The following ANKRD30B variants were observed in gnomAD, a reference collection of about 807,000 sequenced individuals.
The protein encoded by ANKRD30B is ankyrin repeat domain-containing protein 30B.
In ANKRD30B, 144 loss-of-function variants were observed where a neutral mutation model predicts 202.2. The observed-to-expected ratio is 0.71, with a 90% CI of 0.62 to 0.82. The LOEUF is 0.82. ANKRD30B is among the 40% of genes least tolerant of loss of function. The pLI is 0.00. For synonymous variants in ANKRD30B, 508 were observed against 561.3 expected, an observed-to-expected ratio of 0.91 and a Z score of 1.34; for missense variants, 1,487 against 1,669.1, an observed-to-expected ratio of 0.89 and a Z score of 1.90.
intron 7 of ANKRD30B, 136 bp downstream of exon 7, chr18:14,764,226 T>C: frequency 1.1e-6 from 1 of 873,720 alleles, no homozygotes; most frequent in South Asian, 2.2e-5. Context: ...TTTAATAGTG[T>C]AGAAATAAAT....
chr18:14,925,282 G>A, the ANKRD30B span, among the ~76,000 whole-genome samples: 1 of 152,146 alleles, frequency 6.6e-6, no homozygotes, highest in Admixed American at 6.5e-5. Flanking sequence ...TGACAAGAGA[G>A]CCAGGGGCTG....
At chr18:14,903,685 A>C in the ANKRD30B span, 1 of 152,192 alleles carries the variant, frequency 6.6e-6, no homozygotes, top group African/African-American at 2.4e-5. Context: ...TGCACGTTAC[A>C]TCAGGGACCA....
chr18:14,804,972 G>C (rs1278082197), intron 24 of ANKRD30B, among the ~76,000 whole-genome samples: 1 of 150,468 alleles, frequency 6.6e-6, no homozygotes, highest in African/African-American at 2.5e-5. Context: ...TTAGAGTGTG[G>C]GTGCTCCAGA....
intron 15 of ANKRD30B, 143 bp from the exon 16 acceptor site, chr18:14,791,258 T>A: frequency 1.6e-6 from 1 of 623,474 alleles, no homozygotes; most frequent in East Asian, 3.0e-5. Context: ...TGTTTTGATT[T>A]TCTATACGTG....
chr18:14,931,974 TA>T, the ANKRD30B span, among the ~76,000 whole-genome samples: 33 of 10,194 alleles, frequency 3.2e-3, no homozygotes, highest in South Asian at 7.2e-3. Context: ...CTCCCTCCTG[TA>T]CTGTCCCAGG....
chr18:14,884,940 T>TAA, the ANKRD30B span, among the ~76,000 whole-genome samples: 1 of 152,108 alleles, frequency 6.6e-6, no homozygotes, highest in Non-Finnish European at 1.5e-5. Context: ...AGAAGTGGAA[T>TAA]AAAGAGTAGC....
chr18:14,805,806 C>A (rs552705040), intron 24 of ANKRD30B, among the ~76,000 whole-genome samples: 3 of 150,158 alleles, frequency 2.0e-5, no homozygotes, highest in Admixed American at 2.0e-4. Flanking sequence ...CATCACTCAG[C>A]GTATACATAT....
At chr18:14,924,231 A>G in the ANKRD30B span, among the ~76,000 whole-genome samples, 27 of 152,226 alleles carry the variant, frequency 1.8e-4, no homozygotes, top group Non-Finnish European at 3.2e-4. Flanking sequence ...TTTAGCATTG[A>G]AAGAAAACTC....
At chr18:14,787,198 C>T in intron 15 of ANKRD30B, 98 bp downstream of exon 15, 1 of 1,053,302 alleles carries the variant, frequency 9.5e-7, no homozygotes, top group Non-Finnish European at 1.4e-6. Flanking sequence ...CTGCATATGT[C>T]ACCCCCAAAT....
intron 14 of ANKRD30B, among the ~76,000 whole-genome samples, chr18:14,785,961 C>A (rs537322497): frequency 7.9e-4 from 119 of 150,370 alleles, no homozygotes; most frequent in South Asian, 2.5e-3. Flanking sequence ...TGGCGTGAAC[C>A]CAGGAAGCGG....
intron 15 of ANKRD30B, 108 bp downstream of exon 15, chr18:14,787,208 T>A: frequency 1.0e-6 from 1 of 976,384 alleles, no homozygotes; most frequent in South Asian, 1.7e-5. Context: ...CACCCCCAAA[T>A]TATTTTTTGA....
intron 5 of ANKRD30B, among the ~76,000 whole-genome samples, chr18:14,759,445 G>T (rs192611246): frequency 6.0e-4 from 92 of 152,338 alleles, no homozygotes; most frequent in Non-Finnish European, 5.3e-4. Flanking sequence ...GTAACACATA[G>T]GATCTTGTGT....
At chr18:14,901,161 T>G in the ANKRD30B span, among the ~76,000 whole-genome samples, 5 of 152,348 alleles carry the variant, frequency 3.3e-5, no homozygotes, top group African/African-American at 1.2e-4. Flanking sequence ...TCAAATTTCC[T>G]TGTCAATTGT....
At chr18:14,761,995 A>T (rs989242909) in intron 6 of ANKRD30B, among the ~76,000 whole-genome samples, 1 of 152,202 alleles carries the variant, frequency 6.6e-6, no homozygotes, top group Non-Finnish European at 1.5e-5. Flanking sequence ...AGTCAATTAA[A>T]CACATAGTTT....
chr18:14,754,313 C>A (rs1234429256), intron 3 of ANKRD30B, among the ~76,000 whole-genome samples: 2 of 152,086 alleles, frequency 1.3e-5, no homozygotes, highest in East Asian at 3.8e-4. Flanking sequence ...GCCTGAAATT[C>A]TAATTTGTCA....
At chr18:14,832,099 C>T (rs1970976220) in intron 34 of ANKRD30B, among the ~76,000 whole-genome samples, 1 of 152,120 alleles carries the variant, frequency 6.6e-6, no homozygotes, top group Non-Finnish European at 1.5e-5. Flanking sequence ...CATGATGGTG[C>T]ATGCCTGTAG....
At chr18:14,930,263 G>A in the ANKRD30B span, among the ~76,000 whole-genome samples, 1 of 152,048 alleles carries the variant, frequency 6.6e-6, no homozygotes, top group Non-Finnish European at 1.5e-5. Context: ...ACCTGGGCCT[G>A]GATTGTCAGT....
chr18:14,910,883 G>C, the ANKRD30B span, among the ~76,000 whole-genome samples: 1 of 152,108 alleles, frequency 6.6e-6, no homozygotes, highest in Non-Finnish European at 1.5e-5. Context: ...GATTAGTGAT[G>C]TTCAGCATTC....
At position 14,754,934 on chromosome 18, in the gene ANKRD30B, A is replaced by G; in HGVS notation, c.546A>G (p.Lys182=). Residue 182 remains lysine (K), a synonymous_variant, in exon 4 of 44, where the codon AAA becomes AAG. Coordinates refer to ENST00000690538, the MANE Select transcript of ANKRD30B (RefSeq NM_001367607.2). ...SLTPLLLAIQ[K]RSKQTVEFLL... ...CACCCCTTTTACTGGCCATACAGAA[A>G]AGAAGCAAGCAAACTGTGGAATTTT... The G allele has an allele frequency of 6.4e-7, 1 of 1,560,196 alleles. No homozygotes were observed. The highest frequency in any genetic ancestry group is 8.7e-7 in the Non-Finnish European group (1 of 1,151,776).
Sources: allele counts gnomAD v4.1 joint callset (sites outside exome capture counted in the v4.1 genomes callset), GRCh38; gene constraint gnomAD v4.1.1; transcripts MANE v1.5; gene names NCBI Gene and HGNC (gene_info 2026-07-23, HGNC 2026-07-21).